Variants in NDST3 observed in about 807,000 individuals in gnomAD.
The protein encoded by NDST3 is N-deacetylase and N-sulfotransferase 3.
A neutral mutation model predicts 96.1 loss-of-function variants in NDST3; 58 were observed. The observed-to-expected ratio is 0.60, with a 90% confidence interval of 0.49 to 0.75. The LOEUF is 0.75. Ranked by LOEUF, NDST3 falls within the 30% of genes least tolerant of loss-of-function variation. The pLI is 0.00. For synonymous variants in NDST3, 333 were observed against 359.7 expected, an observed-to-expected ratio of 0.93 and a Z score of 0.84; for missense variants, 788 against 1,034.2, an observed-to-expected ratio of 0.76 and a Z score of 3.27.
At chr4:118,216,719 G>T (rs1389862131) in intron 6 of NDST3, among the ~76,000 whole-genome samples, 1 of 152,040 alleles carries the variant, frequency 6.6e-6, no homozygotes, top group Admixed American at 6.6e-5. Flanking sequence ...GAGAAGCAGA[G>T]TTCAGAAAGA....
At chr4:118,171,280 G>A (rs71608346) in intron 6 of NDST3, among the ~76,000 whole-genome samples, 6,686 of 152,230 alleles carry the variant, frequency 0.044, 222 homozygotes, top group Non-Finnish European at 0.07. Context: ...TTTGGGCCAG[G>A]AGAGGCAATC....
chr4:118,190,110 C>T (rs938156340), intron 6 of NDST3, among the ~76,000 whole-genome samples: 3 of 151,694 alleles, frequency 2.0e-5, no homozygotes, highest in African/African-American at 7.3e-5. Flanking sequence ...ATTCTGTATA[C>T]AGAATTGTTT....
At chr4:118,161,264 G>T (rs1380228134) in intron 6 of NDST3, among the ~76,000 whole-genome samples, 1 of 152,204 alleles carries the variant, frequency 6.6e-6, no homozygotes, top group Non-Finnish European at 1.5e-5. Flanking sequence ...GCCGTGTGAG[G>T]TGTCAGTCTG....
At chr4:118,236,959 T>C in intron 9 of NDST3, 87 bp from the exon 10 acceptor site, 1 of 1,033,862 alleles carries the variant, frequency 9.7e-7, no homozygotes, top group Non-Finnish European at 1.3e-6. Context: ...AGGAAACACA[T>C]GAATTTGTGG....
At position 118,206,225 on chromosome 4, in the gene NDST3, C is replaced by T. The variant is rs1043462921; in HGVS notation, c.1540-18266C>T. Among the ~76,000 whole-genome samples, 16 of 144,134 alleles carry T rather than the reference C, an allele frequency of 1.1e-4. 2 individuals are homozygous for T. The highest frequency in any genetic ancestry group is 8.2e-4 in the Admixed American group (12 of 14,548). 94.6% of individuals were successfully genotyped at this position (144,134 alleles called of 152,430 possible). A position where few individuals can be genotyped will look rare whatever the true frequency, so the allele number is the denominator to read the frequency against. On this transcript the variant is annotated intron_variant, in intron 6 of 13. Coordinates refer to ENST00000296499, the MANE Select transcript of NDST3 (RefSeq NM_004784.3). ...ATCTGTGAACTGGGCAACTACATAA[C>T]GAAGAAGATTTGAATTATATCTAAA...
chr4:118,110,083 T>C (rs1219829482), intron 3 of NDST3, among the ~76,000 whole-genome samples: 2 of 152,188 alleles, frequency 1.3e-5, no homozygotes, highest in Non-Finnish European at 2.9e-5. Context: ...GTCACATAGC[T>C]TGTGAAGTGT....
rs567414810 is a variant in NDST3, at chr4:118,252,815, C to T, written c.2400-684C>T. 1.2e-4 allele frequency among the ~76,000 whole-genome samples: 19 copies of T among 152,110 alleles called. No individual in the cohort carries two copies. In the South Asian group the frequency reaches 3.5e-3, roughly 28 times the overall value. ...CTGAGGGAGGAGAATCACTTGAACC[C>T]GAGAGGTGGAGGTTGCGGCGAGCCG... On this transcript the variant is annotated intron_variant, in intron 12 of 13. Coordinates refer to ENST00000296499, the MANE Select transcript of NDST3 (RefSeq NM_004784.3).
intron 3 of NDST3, among the ~76,000 whole-genome samples, chr4:118,107,779 G>A (rs1730317620): frequency 6.6e-6 from 1 of 152,098 alleles, no homozygotes; most frequent in Non-Finnish European, 1.5e-5. Context: ...ATGATAAACT[G>A]AATGACGCTA....
intron 2 of NDST3, among the ~76,000 whole-genome samples, chr4:118,066,552 A>G (rs111216157): frequency 2.2e-5 from 2 of 88,968 alleles, no homozygotes; most frequent in African/African-American, 1.1e-4. Flanking sequence ...CATTATATAT[A>G]ATATGTTATA....
chr4:118,149,817 C>A (rs1036049353), intron 6 of NDST3, among the ~76,000 whole-genome samples: 10 of 152,210 alleles, frequency 6.6e-5, no homozygotes, highest in Admixed American at 2.6e-4. Flanking sequence ...TGAAAGAGGG[C>A]ATCCCTGTCT....
At chr4:118,153,448 G>C (rs1734530253) in intron 6 of NDST3, among the ~76,000 whole-genome samples, 1 of 152,148 alleles carries the variant, frequency 6.6e-6, no homozygotes. Flanking sequence ...AATAAATTAT[G>C]TTCACCCTTA....
intron 3 of NDST3, among the ~76,000 whole-genome samples, chr4:118,113,020 T>A (rs1286075083): frequency 3.9e-5 from 6 of 152,008 alleles, no homozygotes; most frequent in African/African-American, 2.4e-5. Context: ...CAAGGAGCCA[T>A]GCAAGGAAAC....
chr4:118,105,164 T>C, intron 3 of NDST3, 59 bp downstream of exon 3: 1 of 1,327,688 alleles, frequency 7.5e-7, no homozygotes, highest in East Asian at 2.3e-5. Context: ...TATTTAAAAT[T>C]GCACACTTTT....
chr4:118,248,019 C>A (rs919159795), intron 12 of NDST3, among the ~76,000 whole-genome samples: 4 of 152,114 alleles, frequency 2.6e-5, no homozygotes, highest in African/African-American at 9.7e-5. Flanking sequence ...GTACGATTAA[C>A]CCGCACGAGG....
chr4:118,141,136 A>T (rs182213285), intron 5 of NDST3, among the ~76,000 whole-genome samples: 2 of 152,226 alleles, frequency 1.3e-5, no homozygotes, highest in East Asian at 3.9e-4. Flanking sequence ...ATTCTTGTTG[A>T]TCATGGCTTT....
intron 6 of NDST3, among the ~76,000 whole-genome samples, chr4:118,215,221 C>T (rs1232781859): frequency 1.3e-5 from 2 of 151,918 alleles, no homozygotes; most frequent in Non-Finnish European, 2.9e-5. Context: ...CTGAAAAACA[C>T]TAGCTATCTA....
intron 2 of NDST3, among the ~76,000 whole-genome samples, chr4:118,100,140 G>A (rs1729645801): frequency 6.6e-6 from 1 of 152,052 alleles, no homozygotes; most frequent in Admixed American, 6.6e-5. Context: ...GGTGAGCTAA[G>A]TAAAGCAGAT....
chr4:118,179,754 A>G (rs987035205), intron 6 of NDST3, among the ~76,000 whole-genome samples: 2 of 152,076 alleles, frequency 1.3e-5, no homozygotes, highest in Non-Finnish European at 2.9e-5. Context: ...AAAAAACTCA[A>G]GTAAGCCTCA....
intron 8 of NDST3, among the ~76,000 whole-genome samples, chr4:118,228,905 A>G (rs1251458679): frequency 6.6e-6 from 1 of 152,236 alleles, no homozygotes; most frequent in African/African-American, 2.4e-5. Flanking sequence ...ATGTTGCTGT[A>G]TATATCCATA....
Sources: gnomAD v4.1 joint callset for allele counts (sites outside exome capture counted in the v4.1 genomes callset) on GRCh38, gnomAD v4.1.1 for gene constraint, MANE v1.5 for transcripts, NCBI Gene and HGNC (gene_info 2026-07-23, HGNC 2026-07-21) for gene names.